DPYD: variants seen among roughly 807,000 people sequenced by gnomAD.
DPYD encodes dihydropyrimidine dehydrogenase [NADP(+)].
Under a neutral mutation model 116.2 loss-of-function variants are expected in DPYD, and 109 were observed. The ratio of observed to expected loss-of-function variants is 0.94; its 90% CI spans 0.80 to 1.10. The LOEUF is 1.10. DPYD is among the 50% of genes least tolerant of loss of function. The probability of loss-of-function intolerance (pLI) is 0.00; values close to 1 mark genes in which losing one functional copy is unlikely to be tolerated. For synonymous variants in DPYD, 440 were observed against 432.0 expected (o/e 1.02, Z -0.23); for missense variants, 1,302 against 1,254.5 (o/e 1.04, Z -0.57).
chr1:97,251,640 C>T lies in DPYD; in HGVS notation c.2300-16646G>A, dbSNP rs533091541. ...AAGCCACATATATCACATATAAGCACGTACACACAAACATACACATACACA... is the reference window on the plus strand; with the variant it reads ...AAGCCACATATATCACATATAAGCATGTACACACAAACATACACATACACA... On this transcript the variant is annotated intron_variant, in intron 18 of 22. Coordinates refer to ENST00000370192, the MANE Select transcript of DPYD (RefSeq NM_000110.4). 3.1e-3 allele frequency among the ~76,000 whole-genome samples: 468 copies of T among 152,048 alleles called. 1 individual carries two copies. The highest frequency in any genetic ancestry group is 4.5e-3 in the Non-Finnish European group (308 of 67,962).
At chr1:97,210,051 G>A (rs77222658) in intron 19 of DPYD, among the ~76,000 whole-genome samples, 1,870 of 152,122 alleles carry the variant, frequency 0.012, 100 homozygotes, top group Admixed American at 0.097. Context: ...TGTTTAACTT[G>A]GAGCATTTAT....
At chr1:97,082,579 A>G (rs541607429) in intron 21 of DPYD, 109 bp from the exon 22 acceptor site, 2 of 1,235,312 alleles carry the variant, frequency 1.6e-6, no homozygotes, top group Non-Finnish European at 2.4e-6. Context: ...CATTATATTA[A>G]CTTGGGAGAC....
At chr1:97,164,631 C>T (rs940365004) in intron 20 of DPYD, among the ~76,000 whole-genome samples, 1 of 152,084 alleles carries the variant, frequency 6.6e-6, no homozygotes, top group Non-Finnish European at 1.5e-5. Flanking sequence ...TACACACCAA[C>T]AACAGCCAAG....
chr1:97,397,794 G>T (rs1249946791), intron 14 of DPYD, among the ~76,000 whole-genome samples: 2 of 151,954 alleles, frequency 1.3e-5, no homozygotes, highest in East Asian at 3.9e-4. Flanking sequence ...CCCAGTTTGG[G>T]CAATTATGAA....
At chr1:97,624,261 A>T (rs555275852) in intron 8 of DPYD, among the ~76,000 whole-genome samples, 1 of 152,182 alleles carries the variant, frequency 6.6e-6, no homozygotes, top group South Asian at 2.1e-4. Context: ...ATACTTAAGA[A>T]ACTAAACTCA....
In DPYD at chr1:97,374,718, G is replaced by GA. The variant is rs144889184; in HGVS notation, c.1975-1075dup. Among the ~76,000 whole-genome samples, 94 of 52,610 alleles carry GA rather than the reference G, an allele frequency of 1.8e-3. 6 individuals are homozygous for GA. The highest frequency in any genetic ancestry group is 7.8e-3 in the African/African-American group (76 of 9,746). 34.5% of individuals were successfully genotyped at this position (52,610 alleles called of 152,430 possible). ...TGGGAAAGAGCAAGACTCCGTCTCA[G>GA]AAAAAAAAAAAAAAAAAAAAAAAAA... On this transcript the variant is annotated intron_variant, in intron 15 of 22. Transcript: ENST00000370192.
rs61094138 is a variant in DPYD at position 97,478,447 on chromosome 1, C to T, written c.1741-28224G>A. ...GGACTATAGCCATGCATCACCATGC[C>T]CAGCTATTTTTTGTATTTTTAGTAG... is the stretch of plus-strand genomic sequence containing the variant. On this transcript the variant is annotated intron_variant, in intron 13 of 22. Coordinates refer to ENST00000370192, the MANE Select transcript of DPYD (RefSeq NM_000110.4). Among the ~76,000 whole-genome samples, 337 of 152,094 alleles carry T rather than the reference C, an allele frequency of 2.2e-3. 1 individual carries two copies. The highest frequency in any genetic ancestry group is 3.4e-3 in the Middle Eastern group (1 of 294).
intron 20 of DPYD, among the ~76,000 whole-genome samples, chr1:97,133,686 G>C (rs927645174): frequency 6.6e-6 from 1 of 151,650 alleles, no homozygotes; most frequent in Non-Finnish European, 1.5e-5. Flanking sequence ...GACCTATTAG[G>C]TTACATTTTT....
chr1:97,557,593 G>A (rs1651840873), intron 11 of DPYD, among the ~76,000 whole-genome samples: 1 of 152,072 alleles, frequency 6.6e-6, no homozygotes. Context: ...TGGAATTACA[G>A]GCATGAGCCA....
At chr1:97,684,054 G>C (rs917334996) in intron 7 of DPYD, among the ~76,000 whole-genome samples, 1 of 152,028 alleles carries the variant, frequency 6.6e-6, no homozygotes, top group Non-Finnish European at 1.5e-5. Context: ...CTCTGATCTT[G>C]CTTATTTCTT....
At chr1:97,133,794 T>C (rs1293665478) in intron 20 of DPYD, among the ~76,000 whole-genome samples, 1 of 151,322 alleles carries the variant, frequency 6.6e-6, no homozygotes, top group Non-Finnish European at 1.5e-5. Flanking sequence ...AGTCAGGAGT[T>C]CGAGACCAGC....
chr1:97,679,625 A>C (rs1315564727), intron 7 of DPYD, among the ~76,000 whole-genome samples: 1 of 152,164 alleles, frequency 6.6e-6, no homozygotes, highest in African/African-American at 2.4e-5. Context: ...CATTTTAGCT[A>C]AGCTTAGAAG....
intron 2 of DPYD, among the ~76,000 whole-genome samples, chr1:97,850,684 TA>T: frequency 6.6e-6 from 1 of 151,656 alleles, no homozygotes; most frequent in East Asian, 1.9e-4. Context: ...GAGATCACAG[TA>T]AAAATAAAAC....
At chr1:97,900,264 G>T (rs886949962) in intron 1 of DPYD, among the ~76,000 whole-genome samples, 4 of 151,862 alleles carry the variant, frequency 2.6e-5, no homozygotes, top group Non-Finnish European at 5.9e-5. Flanking sequence ...ACGCACTCTA[G>T]TATCTATCTC....
chr1:97,713,927 TA>T (rs961243592), intron 5 of DPYD, among the ~76,000 whole-genome samples: 1 of 152,076 alleles, frequency 6.6e-6, no homozygotes, highest in African/African-American at 2.4e-5. Flanking sequence ...ATCTAACAAA[TA>T]TAGTTTAATC....
intron 10 of DPYD, among the ~76,000 whole-genome samples, chr1:97,576,189 A>T (rs1415151488): frequency 6.6e-6 from 1 of 152,156 alleles, no homozygotes; most frequent in Admixed American, 6.6e-5. Flanking sequence ...TCACCTTATA[A>T]CTCATCAATA....
intron 2 of DPYD, among the ~76,000 whole-genome samples, chr1:97,845,122 T>A (rs994006419): frequency 6.6e-6 from 1 of 152,070 alleles, no homozygotes; most frequent in Non-Finnish European, 1.5e-5. Context: ...ATGGCAGCAA[T>A]ACGCAGACAG....
At chr1:97,557,673 T>C (rs1467019660) in intron 11 of DPYD, among the ~76,000 whole-genome samples, 3 of 152,164 alleles carry the variant, frequency 2.0e-5, no homozygotes, top group African/African-American at 7.2e-5. Flanking sequence ...AATCCATGAA[T>C]CTTGTTTCCA....
At chr1:97,209,278 T>C (rs993740436) in intron 19 of DPYD, among the ~76,000 whole-genome samples, 12 of 152,168 alleles carry the variant, frequency 7.9e-5, no homozygotes, top group Non-Finnish European at 1.8e-4. Context: ...TTTATGTGTT[T>C]TATATTTCAT....
Sources: allele counts gnomAD v4.1 joint callset (sites outside exome capture counted in the v4.1 genomes callset), GRCh38; gene constraint gnomAD v4.1.1; transcripts MANE v1.5; gene names NCBI Gene and HGNC (gene_info 2026-07-23, HGNC 2026-07-21).